ADAMTSL1: variants seen among roughly 807,000 people sequenced by gnomAD.
ADAMTSL1 encodes ADAMTS like 1.
In ADAMTSL1, 126 loss-of-function variants were observed where a neutral mutation model predicts 201.8. The ratio of observed to expected loss-of-function variants is 0.62; its 90% CI spans 0.54 to 0.72. The LOEUF is 0.72. Among genes scored for constraint, ADAMTSL1 ranks in the 30% least tolerant of loss-of-function variants. The pLI is 0.00. For synonymous variants in ADAMTSL1, 1,121 were observed against 903.4 expected (o/e 1.24, Z -4.32); for missense variants, 2,679 against 2,277.8 (o/e 1.18, Z -3.59).
chr9:17,965,533 C>T (rs1817949427), intron 1 of ADAMTSL1, among the ~76,000 whole-genome samples: 1 of 152,116 alleles, frequency 6.6e-6, no homozygotes, highest in Non-Finnish European at 1.5e-5. Context: ...AATCACATCG[C>T]TTATTATTTT....
intron 1 of ADAMTSL1, among the ~76,000 whole-genome samples, chr9:18,496,555 C>T (rs1655595944): frequency 6.6e-6 from 1 of 152,200 alleles, no homozygotes; most frequent in South Asian, 2.1e-4. Flanking sequence ...AAACCAAAAG[C>T]TGACTTGTTT....
At chr9:18,870,065 T>C (rs943749677) in intron 23 of ADAMTSL1, among the ~76,000 whole-genome samples, 4 of 152,208 alleles carry the variant, frequency 2.6e-5, no homozygotes, top group African/African-American at 9.6e-5. Flanking sequence ...TTTCATATTG[T>C]TAAGCTCTAG....
At chr9:18,706,376 T>C (rs529476454) in intron 13 of ADAMTSL1, among the ~76,000 whole-genome samples, 4 of 152,340 alleles carry the variant, frequency 2.6e-5, no homozygotes, top group Admixed American at 2.6e-4. Context: ...TCCAGCATCC[T>C]ATTTTATTAG....
intron 3 of ADAMTSL1, among the ~76,000 whole-genome samples, chr9:18,562,930 G>A (rs919544227): frequency 6.6e-6 from 1 of 152,122 alleles, no homozygotes; most frequent in Middle Eastern, 3.2e-3. Flanking sequence ...CATTTTTCAA[G>A]GTTCTTAGCT....
At chr9:18,164,555 CTG>C (rs1274178219) in intron 2 of ADAMTSL1, among the ~76,000 whole-genome samples, 1 of 151,630 alleles carries the variant, frequency 6.6e-6, no homozygotes, top group Non-Finnish European at 1.5e-5. Context: ...GCGAATCAAA[CTG>C]TGATTTGTAA....
chr9:18,791,288 C>G lies in ADAMTSL1; in HGVS notation c.3678-4109C>G, dbSNP rs899416567. 3.4e-4 allele frequency among the ~76,000 whole-genome samples: 52 copies of G among 152,260 alleles called. 1 individual carries two copies. The highest frequency in any genetic ancestry group is 1.2e-3 in the African/African-American group (50 of 41,544). On this transcript the variant is annotated intron_variant, in intron 19 of 28. Transcript: ENST00000380548. ...GAACTACTGCTCCGCCTAGTGGCAG[C>G]CTTCAAGCCTTCATCTACCAATTTT... is the stretch of plus-strand genomic sequence containing the variant.
At chr9:18,230,067 G>T (rs1481048519) in intron 2 of ADAMTSL1, among the ~76,000 whole-genome samples, 2 of 152,102 alleles carry the variant, frequency 1.3e-5, no homozygotes, top group African/African-American at 4.8e-5. Context: ...GGTAAGATAA[G>T]AAAGAATTTC....
At chr9:18,720,910 G>A (rs527950927) in intron 14 of ADAMTSL1, among the ~76,000 whole-genome samples, 5 of 152,174 alleles carry the variant, frequency 3.3e-5, no homozygotes, top group African/African-American at 7.2e-5. Context: ...CAGGGCCTGC[G>A]GGTGTCAGTG....
intron 2 of ADAMTSL1, among the ~76,000 whole-genome samples, chr9:18,322,982 A>G (rs141056744): frequency 3.9e-5 from 6 of 152,312 alleles, no homozygotes; most frequent in East Asian, 1.9e-4. Context: ...GCTAATACCA[A>G]TCTTACACAA....
intron 4 of ADAMTSL1, among the ~76,000 whole-genome samples, chr9:18,600,621 C>A (rs1824586888): frequency 2.0e-5 from 3 of 152,138 alleles, no homozygotes; most frequent in Admixed American, 2.0e-4. Context: ...ACTGGTGGGG[C>A]TCCTTCTGCT....
At chr9:18,073,099 T>C (rs113689809) in intron 1 of ADAMTSL1, among the ~76,000 whole-genome samples, 1 of 152,322 alleles carries the variant, frequency 6.6e-6, no homozygotes, top group African/African-American at 2.4e-5. Context: ...TTCATGACAT[T>C]CTGAGAGGCC....
chr9:18,286,091 T>G (rs1245725232), intron 2 of ADAMTSL1, among the ~76,000 whole-genome samples: 1 of 152,146 alleles, frequency 6.6e-6, no homozygotes, highest in African/African-American at 2.4e-5. Flanking sequence ...AAGTACTGTT[T>G]AAATAAGAAA....
chr9:18,267,627 C>G (rs755345671), intron 2 of ADAMTSL1, among the ~76,000 whole-genome samples: 9 of 152,000 alleles, frequency 5.9e-5, no homozygotes, highest in Non-Finnish European at 1.2e-4. Flanking sequence ...AGACAGAATT[C>G]TATTGATAAG....
At chr9:18,707,283 T>C (rs1832286386) in intron 14 of ADAMTSL1, among the ~76,000 whole-genome samples, 1 of 152,212 alleles carries the variant, frequency 6.6e-6, no homozygotes, top group Admixed American at 6.5e-5. Flanking sequence ...ATGCTTTGGC[T>C]TTCAGTTGTC....
rs190302804 is a variant in ADAMTSL1 at position 18,105,639 on chromosome 9, G to A, written c.88-58223G>A. Reference sequence around the variant, plus strand: ...AGAAAGTAAACTAGCCCCACAAAGAGTGCTTTGCAGACCTTACCCGTAATG... The same window carrying A: ...AGAAAGTAAACTAGCCCCACAAAGAATGCTTTGCAGACCTTACCCGTAATG... On this transcript the variant is annotated intron_variant, in intron 1 of 29. Coordinates refer to the ADAMTSL1 transcript ENST00000680146. Among the ~76,000 whole-genome samples, 4 of 152,284 alleles carry A rather than the reference G, an allele frequency of 2.6e-5. No individual in the cohort carries two copies. The East Asian group carries it at 5.8e-4, about 22-fold the overall frequency.
At chr9:18,125,777 G>A (rs1300015263) in intron 1 of ADAMTSL1, among the ~76,000 whole-genome samples, 1 of 152,050 alleles carries the variant, frequency 6.6e-6, no homozygotes, top group African/African-American at 2.4e-5. Flanking sequence ...TTTCCACACT[G>A]CTGACAGTAA....
chr9:18,889,782 A>C (rs1440845399), intron 25 of ADAMTSL1, 34 bp downstream of exon 25: 1 of 1,409,996 alleles, frequency 7.1e-7, no homozygotes, highest in Non-Finnish European at 9.2e-7. Context: ...AGACCTCCCC[A>C]CCCTAGGAGG....
At chr9:18,608,101 GC>G (rs1825146097) in intron 4 of ADAMTSL1, among the ~76,000 whole-genome samples, 1 of 152,138 alleles carries the variant, frequency 6.6e-6, no homozygotes, top group Admixed American at 6.6e-5. Flanking sequence ...AATTGGAAAT[GC>G]CTTTTCTTCT....
chr9:17,975,273 T>C lies in ADAMTSL1; in HGVS notation c.87+68351T>C, dbSNP rs760111905. Among the ~76,000 whole-genome samples, 6 of 152,178 alleles carry C rather than the reference T, an allele frequency of 3.9e-5. No homozygotes were observed. The South Asian group carries it at 1.2e-3, about 32-fold the overall frequency. On this transcript the variant is annotated intron_variant, in intron 1 of 29. Transcript: ENST00000680146. The stretch of plus-strand genomic sequence containing the variant: ...TACATGTTTTGGTTATTGTCTTGGC[T>C]TATTTGAGCTGTTATAACAAAATAT...
Sources: allele counts gnomAD v4.1 joint callset (sites outside exome capture counted in the v4.1 genomes callset), GRCh38; gene constraint gnomAD v4.1.1; transcripts MANE v1.5; gene names NCBI Gene and HGNC (gene_info 2026-07-23, HGNC 2026-07-21).